GABRA2: variants seen among roughly 807,000 people sequenced by gnomAD.
GABRA2 encodes gamma-aminobutyric acid type A receptor subunit alpha2.
A neutral mutation model predicts 48.7 loss-of-function variants in GABRA2; 16 were observed. That is an observed-to-expected ratio of 0.33 (90% CI 0.22 to 0.50). The LOEUF (loss-of-function observed/expected upper bound fraction) is 0.50. Ranked by LOEUF, GABRA2 falls within the 20% of genes least tolerant of loss-of-function variation. GABRA2 has a pLI of 0.98. For synonymous variants in GABRA2, 185 were observed against 184.5 expected (o/e 1.00, Z -0.02); for missense variants, 275 against 535.6 (o/e 0.51, Z 4.80).
chr4:46,334,538 A>T (rs1332921913), intron 3 of GABRA2, among the ~76,000 whole-genome samples: 1 of 152,170 alleles, frequency 6.6e-6, no homozygotes, highest in Non-Finnish European at 1.5e-5. Context: ...CCTTAGTTTA[A>T]GTAGTAAAGT....
intron 3 of GABRA2, among the ~76,000 whole-genome samples, chr4:46,342,364 C>T (rs1733386166): frequency 6.6e-6 from 1 of 151,978 alleles, no homozygotes; most frequent in Non-Finnish European, 1.5e-5. Flanking sequence ...TATTTTTCCA[C>T]AGTCTCTTAA....
chr4:46,367,233 A>C (rs998635779), intron 3 of GABRA2: 1 of 152,130 alleles, frequency 6.6e-6, no homozygotes, highest in Non-Finnish European at 1.5e-5. Flanking sequence ...TATAGAAAAA[A>C]ATTGATTGTT....
At chr4:46,283,035 A>G (rs1368019778) in intron 8 of GABRA2, among the ~76,000 whole-genome samples, 1 of 152,230 alleles carries the variant, frequency 6.6e-6, no homozygotes, top group African/African-American at 2.4e-5. Flanking sequence ...GCTGCCAAGT[A>G]TGTGCTCTTA....
At chr4:46,346,314 T>TA (rs1239215874) in intron 3 of GABRA2, among the ~76,000 whole-genome samples, 4 of 151,886 alleles carry the variant, frequency 2.6e-5, no homozygotes, top group African/African-American at 9.7e-5. Flanking sequence ...GCAGTCAACA[T>TA]ACATTTGATA....
chr4:46,344,744 G>A (rs953700469), intron 3 of GABRA2, among the ~76,000 whole-genome samples: 1 of 151,822 alleles, frequency 6.6e-6, no homozygotes, highest in African/African-American at 2.4e-5. Flanking sequence ...ATTATATCAG[G>A]AATGAGTAAG....
chr4:46,320,783 T>G (rs1424637826), intron 4 of GABRA2, among the ~76,000 whole-genome samples: 1 of 151,740 alleles, frequency 6.6e-6, no homozygotes, highest in African/African-American at 2.4e-5. Context: ...AGGGAATCCA[T>G]GTACACTGTT....
intron 8 of GABRA2, among the ~76,000 whole-genome samples, chr4:46,298,020 T>C (rs1158058730): frequency 3.9e-5 from 6 of 152,124 alleles, no homozygotes; most frequent in Non-Finnish European, 8.8e-5. Context: ...TGTTGTCTGA[T>C]TTCCACATAT....
Position 46,245,484 on chromosome 4 carries a change from A to C in GABRA2, c.*4824T>G, listed in dbSNP as rs538325229. On this transcript the variant is annotated 3_prime_UTR_variant, in exon 10 of 10. Transcript: ENST00000381620. ...GAAAAAGTTTACACCAACATAGAAA[A>C]GATATTTTTAACCATATGCATAACT... Among the ~76,000 whole-genome samples, 30 of 151,410 alleles carry C rather than the reference A, an allele frequency of 2.0e-4. No homozygotes were observed. Among genetic ancestry groups the C allele is most frequent in the African/African-American group, 7.0e-4 (29 of 41,478 alleles).
At chr4:46,376,983 A>C (rs1715826053) in intron 3 of GABRA2, among the ~76,000 whole-genome samples, 1 of 152,140 alleles carries the variant, frequency 6.6e-6, no homozygotes, top group Non-Finnish European at 1.5e-5. Flanking sequence ...GTGATCCACC[A>C]GCCTCGGCAT....
At chr4:46,338,515 AT>A (rs1296142093) in intron 3 of GABRA2, among the ~76,000 whole-genome samples, 1 of 151,968 alleles carries the variant, frequency 6.6e-6, no homozygotes, top group Non-Finnish European at 1.5e-5. Context: ...ATTCATTATT[AT>A]TTTAAAAAGC....
At chr4:46,304,726 G>A (rs909169371) in intron 7 of GABRA2, among the ~76,000 whole-genome samples, 4 of 151,624 alleles carry the variant, frequency 2.6e-5, no homozygotes, top group Admixed American at 6.6e-5. Context: ...TCAGGAGATC[G>A]AGACCATCCT....
chr4:46,376,553 G>A (rs1715729071), intron 3 of GABRA2, among the ~76,000 whole-genome samples: 1 of 152,100 alleles, frequency 6.6e-6, no homozygotes, highest in Admixed American at 6.6e-5. Context: ...AACCAAAAAT[G>A]TTTTCAGATG....
Position 46,330,591 on chromosome 4 carries a change from T to TATATATATATAGAGAGAGAGAG in GABRA2, c.255+2023_255+2024insCTCTCTCTCTCTATATATATAT, listed in dbSNP as rs1411755120. 9.8e-5 allele frequency among the ~76,000 whole-genome samples: 12 copies of TATATATATATAGAGAGAGAGAG among 122,686 alleles called. No homozygotes were observed. The East Asian group carries it at 1.2e-3, about 13-fold the overall frequency. 80.5% of individuals were successfully genotyped at this position (122,686 alleles called of 152,430 possible). On this transcript the variant is annotated intron_variant, in intron 4 of 9. Coordinates refer to ENST00000381620, the MANE Select transcript of GABRA2 (RefSeq NM_000807.4). ...ATATATATATATATATATATATATA[T>TATATATATATAGAGAGAGAGAG]AGAGAGAGAGAGAGAGAGATGTTTT...
At chr4:46,388,151 C>T (rs978894373) in intron 2 of GABRA2, among the ~76,000 whole-genome samples, 3 of 151,756 alleles carry the variant, frequency 2.0e-5, no homozygotes, top group African/African-American at 4.8e-5. Context: ...TGTATACTAC[C>T]TCCACCTAGA....
rs1713916030 is a variant in GABRA2, at chr4:46,247,387, C to T, written c.*2921G>A. The stretch of plus-strand genomic sequence containing the variant: ...TTTTATATAGTCTTTAATTTCAAGT[C>T]ATTATAAGAATGAGATGCACTTAAA... On this transcript the variant is annotated 3_prime_UTR_variant, in exon 10 of 10. Coordinates refer to ENST00000381620, the MANE Select transcript of GABRA2 (RefSeq NM_000807.4). Among the ~76,000 whole-genome samples, 1 of 150,996 alleles carries T rather than the reference C, an allele frequency of 6.6e-6. No individual in the cohort carries two copies. Among genetic ancestry groups the T allele is most frequent in the Admixed American group, 6.6e-5 (1 of 15,072 alleles).
chr4:46,250,899 T>C (rs180878750), intron 9 of GABRA2, among the ~76,000 whole-genome samples: 1 of 151,702 alleles, frequency 6.6e-6, no homozygotes, highest in Admixed American at 6.6e-5. Flanking sequence ...TAACTTTTCT[T>C]TTCTCATGAG....
chr4:46,250,762 A>G (rs868835049), intron 9 of GABRA2, among the ~76,000 whole-genome samples, 158 bp from the exon 10 acceptor site: 3 of 151,748 alleles, frequency 2.0e-5, no homozygotes, highest in Middle Eastern at 3.4e-3. Context: ...TGTTTATTAA[A>G]TTCCAAATCC....
chr4:46,247,848 T>G lies in GABRA2; in HGVS notation c.*2460A>C, dbSNP rs1033785381. Reference sequence around the variant, plus strand: ...GAGAAGAAGCTCCTTTTGATTTATTTAAACATTAAAAGAAGAAGAAATATG... The same window carrying G: ...GAGAAGAAGCTCCTTTTGATTTATTGAAACATTAAAAGAAGAAGAAATATG... On this transcript the variant is annotated 3_prime_UTR_variant, in exon 10 of 10. Transcript: ENST00000381620. Among the ~76,000 whole-genome samples the G allele has an allele frequency of 6.6e-6, 1 of 151,260 alleles. No homozygotes were observed. The highest frequency in any genetic ancestry group is 2.4e-5 in the African/African-American group (1 of 41,328).
chr4:46,321,583 A>G (rs1358529178), intron 4 of GABRA2, among the ~76,000 whole-genome samples: 1 of 152,090 alleles, frequency 6.6e-6, no homozygotes, highest in Non-Finnish European at 1.5e-5. Flanking sequence ...ACAAGTTCTC[A>G]AGTCGGGTAG....
Sources: gnomAD v4.1 joint callset for allele counts (sites outside exome capture counted in the v4.1 genomes callset) on GRCh38, gnomAD v4.1.1 for gene constraint, MANE v1.5 for transcripts, NCBI Gene and HGNC (gene_info 2026-07-23, HGNC 2026-07-21) for gene names.